RBM6: variants seen among roughly 807,000 people sequenced by gnomAD.
The protein encoded by RBM6 is RNA binding motif protein 6.
Under a neutral mutation model 140.4 loss-of-function variants are expected in RBM6, and 23 were observed. The ratio of observed to expected loss-of-function variants is 0.16; its 90% CI spans 0.12 to 0.23. The LOEUF (loss-of-function observed/expected upper bound fraction) is 0.23, where lower values mean the gene tolerates loss of function less well. Ranked by LOEUF, RBM6 falls within the 10% of genes least tolerant of loss-of-function variation. RBM6 has a pLI of 1.00. For missense variants in RBM6, 1,139 were observed against 1,386.7 expected, an observed-to-expected ratio of 0.82 and a Z score of 2.84; for synonymous variants, 439 against 475.6, an observed-to-expected ratio of 0.92 and a Z score of 1.00.
At chr3:50,046,584 A>G (rs1369985430) in intron 6 of RBM6, among the ~76,000 whole-genome samples, 9 of 129,488 alleles carry the variant, frequency 7.0e-5, no homozygotes, top group African/African-American at 9.6e-5. Context: ...TGTCTCAGGG[A>G]AAAAAAAAAA....
chr3:50,052,707 T>C (rs1307668226), intron 7 of RBM6, among the ~76,000 whole-genome samples: 1 of 152,196 alleles, frequency 6.6e-6, no homozygotes, highest in Non-Finnish European at 1.5e-5. Flanking sequence ...TCAGGGACTA[T>C]GGGTTGTTTG....
intron 16 of RBM6, among the ~76,000 whole-genome samples, chr3:50,065,800 A>C (rs957969988): frequency 6.6e-6 from 1 of 152,164 alleles, no homozygotes; most frequent in Non-Finnish European, 1.5e-5. Context: ...TTTACCTTAC[A>C]TGTGAGCTGG....
chr3:49,985,320 C>T (rs1479153498), intron 5 of RBM6, among the ~76,000 whole-genome samples: 1 of 152,190 alleles, frequency 6.6e-6, no homozygotes, highest in African/African-American at 2.4e-5. Flanking sequence ...AAACTGTTTA[C>T]AGGATTTAAA....
intron 6 of RBM6, among the ~76,000 whole-genome samples, chr3:50,034,744 G>C (rs2088409738): frequency 6.6e-6 from 1 of 152,160 alleles, no homozygotes; most frequent in South Asian, 2.1e-4. Flanking sequence ...CTGGGCGACA[G>C]AGCGAGACTC....
At chr3:49,983,230 T>C (rs1351813660) in intron 5 of RBM6, among the ~76,000 whole-genome samples, 1 of 152,210 alleles carries the variant, frequency 6.6e-6, no homozygotes, top group African/African-American at 2.4e-5. Context: ...TCTGTGTCAA[T>C]ATAACAGAAG....
intron 6 of RBM6, among the ~76,000 whole-genome samples, chr3:50,034,230 C>T (rs375952320): frequency 1.3e-5 from 2 of 151,736 alleles, no homozygotes; most frequent in East Asian, 2.0e-4. Flanking sequence ...GTGATCCCCC[C>T]ACCTCGGCAT....
chr3:50,052,986 G>GGTGTGTGTGTGTGT (rs57244510), intron 7 of RBM6, among the ~76,000 whole-genome samples: 38 of 134,656 alleles, frequency 2.8e-4, no homozygotes, highest in African/African-American at 6.4e-4. Flanking sequence ...AGTGGGCAGG[G>GGTGTGTGTGTGTGT]GTGTGTGTGT....
At chr3:50,033,601 ATG>A (rs2088313774) in intron 6 of RBM6, among the ~76,000 whole-genome samples, 1 of 152,198 alleles carries the variant, frequency 6.6e-6, no homozygotes, top group Non-Finnish European at 1.5e-5. Flanking sequence ...AAGTTACTGT[ATG>A]GTAAAGACCA....
intron 5 of RBM6, among the ~76,000 whole-genome samples, chr3:49,997,056 A>G (rs79499167): frequency 0.014 from 2,107 of 152,338 alleles, 49 homozygotes; most frequent in African/African-American, 0.049. Context: ...TTAGAATAAA[A>G]TCTTGAACCA....
chr3:49,955,051 A>C (rs1160080410), intron 1 of RBM6, among the ~76,000 whole-genome samples: 4 of 150,808 alleles, frequency 2.7e-5, no homozygotes, highest in African/African-American at 9.8e-5. Context: ...GAGCCACCGC[A>C]CCCGGCCTTG....
chr3:49,970,370 G>GC (rs1344414360), intron 3 of RBM6, among the ~76,000 whole-genome samples: 1 of 152,178 alleles, frequency 6.6e-6, no homozygotes, highest in Non-Finnish European at 1.5e-5. Flanking sequence ...ATGAGCCACT[G>GC]CCCCTACCCT....
chr3:50,063,553 C>T (rs1449794551), intron 15 of RBM6, among the ~76,000 whole-genome samples: 4 of 150,700 alleles, frequency 2.7e-5, no homozygotes, highest in South Asian at 2.1e-4. Context: ...GCTGTGATTG[C>T]GCCACTGCAC....
rs939808616 is a variant in RBM6 at position 49,983,708 on chromosome 3, C to G, written c.1483+8316C>G. Among the ~76,000 whole-genome samples, 2 of 152,128 alleles carry G rather than the reference C, an allele frequency of 1.3e-5. 1 individual carries two copies. Among genetic ancestry groups the G allele is most frequent in the Non-Finnish European group, 2.9e-5 (2 of 68,034 alleles). ...AAGTTCTTGTTTTTAACCAGGAGTCCTATCAGGTTTGATACAACCTTCGGG... is the reference window on the plus strand; with the variant it reads ...AAGTTCTTGTTTTTAACCAGGAGTCGTATCAGGTTTGATACAACCTTCGGG... On this transcript the variant is annotated intron_variant, in intron 5 of 20. Coordinates refer to ENST00000266022, the MANE Select transcript of RBM6 (RefSeq NM_005777.3).
chr3:50,016,769 C>G (rs2087173794), intron 6 of RBM6, among the ~76,000 whole-genome samples: 1 of 150,752 alleles, frequency 6.6e-6, no homozygotes, highest in Non-Finnish European at 1.5e-5. Flanking sequence ...TTCCTGCACT[C>G]AAGCAGTCCT....
At chr3:49,986,043 T>G (rs2108686822) in intron 5 of RBM6, among the ~76,000 whole-genome samples, 1 of 151,926 alleles carries the variant, frequency 6.6e-6, no homozygotes, top group Admixed American at 6.6e-5. Context: ...TGGAGTGCAG[T>G]GGCACGGTCT....
chr3:49,969,518 T>C (rs1011863370), intron 3 of RBM6, among the ~76,000 whole-genome samples: 3 of 147,766 alleles, frequency 2.0e-5, no homozygotes, highest in Non-Finnish European at 4.5e-5. Flanking sequence ...TTTATATATA[T>C]ATATTTCTTT....
At chr3:50,037,899 G>T (rs2088641004) in intron 6 of RBM6, among the ~76,000 whole-genome samples, 2 of 146,856 alleles carry the variant, frequency 1.4e-5, no homozygotes, top group African/African-American at 5.1e-5. Context: ...TTGGTTCACT[G>T]CACCCTCCAC....
Position 50,058,629 on chromosome 3 carries a change from T to TG in RBM6, c.2130+72dup, listed in dbSNP as rs921168115. ...TAAAGAACCTTCAAGAAGGTTTGAC[T>TG]GGGGGCCGGGCCTGGTGGCTTACGC... On this transcript the variant is annotated intron_variant, in intron 10 of 20. Transcript: ENST00000266022. The TG allele has an allele frequency of 4.0e-5, 59 of 1,485,408 alleles. No homozygotes were observed. The Admixed American group carries it at 1.0e-3, about 26-fold the overall frequency. The allele number at this position is 1,485,408 out of a possible 1,614,324, so 92.0% of individuals were successfully genotyped here. A position where few individuals can be genotyped will look rare whatever the true frequency, so the allele number is the denominator to read the frequency against.
intron 5 of RBM6, among the ~76,000 whole-genome samples, chr3:49,998,588 C>T (rs1191337996): frequency 6.6e-6 from 1 of 152,148 alleles, no homozygotes; most frequent in East Asian, 1.9e-4. Context: ...ACTTCCCAGT[C>T]TCGTGAGTCA....
Sources: gnomAD v4.1 joint callset for allele counts (sites outside exome capture counted in the v4.1 genomes callset) on GRCh38, gnomAD v4.1.1 for gene constraint, MANE v1.5 for transcripts, NCBI Gene and HGNC (gene_info 2026-07-23, HGNC 2026-07-21) for gene names.